Variants in BCAR1 observed in about 807,000 individuals in gnomAD.
BCAR1 encodes the protein breast cancer anti-estrogen resistance protein 1.
BCAR1 carries 30 observed loss-of-function variants against 67.6 expected under a neutral mutation model. The observed-to-expected ratio is 0.44, with a 90% CI of 0.33 to 0.60. BCAR1 has a LOEUF of 0.60. BCAR1 is among the 20% of genes least tolerant of loss of function. BCAR1 has a pLI of 0.02. For missense variants in BCAR1, 1,313 were observed against 1,222.3 expected, an observed-to-expected ratio of 1.07 and a Z score of -1.11; for synonymous variants, 626 against 556.7, an observed-to-expected ratio of 1.12 and a Z score of -1.75.
intron 1 of BCAR1, chr16:75,264,286 A>G (rs572558748): frequency 7.2e-7 from 1 of 1,397,316 alleles, no homozygotes; most frequent in South Asian, 1.6e-5. Context: ...ACCTCCCCAT[A>G]GAGGCCCGCC....
chr16:75,261,260 A>T (rs2077902924), intron 1 of BCAR1, among the ~76,000 whole-genome samples: 2 of 152,232 alleles, frequency 1.3e-5, no homozygotes, highest in African/African-American at 4.8e-5. Context: ...GGCTGCAGCA[A>T]AGCCAAGGCC....
chr16:75,259,180 C>T (rs957894921), intron 1 of BCAR1, among the ~76,000 whole-genome samples: 1 of 152,240 alleles, frequency 6.6e-6, no homozygotes, highest in Non-Finnish European at 1.5e-5. Flanking sequence ...GGAGTGTGGT[C>T]ATACCACTTT....
At chr16:75,244,044 C>A (rs2077440019) in intron 1 of BCAR1, among the ~76,000 whole-genome samples, 2 of 152,204 alleles carry the variant, frequency 1.3e-5, no homozygotes, top group Non-Finnish European at 2.9e-5. Flanking sequence ...CAGAGGGCTG[C>A]ATGGGTTCCA....
intron 1 of BCAR1, among the ~76,000 whole-genome samples, chr16:75,245,708 C>T (rs1200318956): frequency 6.6e-6 from 1 of 152,218 alleles, no homozygotes; most frequent in African/African-American, 2.4e-5. Context: ...TCCCCGCCTG[C>T]GTCAGCTGGT....
chr16:75,231,207 C>A (rs1162084028), intron 6 of BCAR1, among the ~76,000 whole-genome samples: 1 of 151,762 alleles, frequency 6.6e-6, no homozygotes, highest in Non-Finnish European at 1.5e-5. Flanking sequence ...AGCGATTCTC[C>A]TGCTTCAGCT....
intron 1 of BCAR1, among the ~76,000 whole-genome samples, chr16:75,245,145 C>T (rs562273729): frequency 3.3e-5 from 5 of 152,202 alleles, no homozygotes; most frequent in South Asian, 4.1e-4. Context: ...GCTCAGGGCC[C>T]CCATCCCAGG....
Position 75,235,423 on chromosome 16 carries a change from G to A in BCAR1, c.1476C>T (p.Ser492=), listed in dbSNP as rs145073440. The part of the protein sequence containing the change: ...GSAGATGSWR[S]PSEPQEPLVQ... Reference sequence around the variant, plus strand: ...CCAGCGGCTCCTGTGGCTCAGAGGGGCTACGCCAGCTCCCAGTCGCACCGG... The same window carrying A: ...CCAGCGGCTCCTGTGGCTCAGAGGGACTACGCCAGCTCCCAGTCGCACCGG... Residue 492 remains serine (S), a synonymous_variant, in exon 5 of 7, where the codon AGC becomes AGT. Coordinates refer to ENST00000162330, the MANE Select transcript of BCAR1 (RefSeq NM_014567.5). 2.5e-5 allele frequency: 41 copies of A among 1,608,190 alleles called. No individual in the cohort carries two copies. The African/African-American group carries it at 3.7e-4, about 15-fold the overall frequency.
At chr16:75,251,656 C>T (rs2077683942), upstream of BCAR1, 4 of 997,656 alleles carry the variant, frequency 4.0e-6, no homozygotes, top group Non-Finnish European at 4.8e-6. Flanking sequence ...ACGGCCCAGC[C>T]GGCCCAGCCC....
intron 1 of BCAR1, chr16:75,263,471 G>A (rs1158075745): frequency 3.0e-6 from 3 of 985,288 alleles, no homozygotes; most frequent in Non-Finnish European, 3.6e-6. Flanking sequence ...TGGAGCAGAG[G>A]AAGGGGCACT....
intron 1 of BCAR1, among the ~76,000 whole-genome samples, chr16:75,250,473 A>G (rs1323293759): frequency 6.6e-6 from 1 of 152,164 alleles, no homozygotes; most frequent in Non-Finnish European, 1.5e-5. Context: ...TCATTCTGAG[A>G]AGGTGACCAA....
At chr16:75,251,943 G>C (rs2151463962), upstream of BCAR1, 22 of 558,070 alleles carry the variant, frequency 3.9e-5, 1 homozygote, top group South Asian at 3.8e-4. Flanking sequence ...CCACTTCTGG[G>C]AAGGCTGCCC....
rs1567606170 is a variant in BCAR1, at chr16:75,242,465, C to A, written c.633+5G>T. The A allele has an allele frequency of 6.9e-7, 1 of 1,453,084 alleles. No homozygotes were observed. Among genetic ancestry groups the A allele is most frequent in the East Asian group, 2.5e-5 (1 of 39,528 alleles). 90.0% of individuals were successfully genotyped at this position (1,453,084 alleles called of 1,614,324 possible). A position where few individuals can be genotyped will look rare whatever the true frequency, so the allele number is the denominator to read the frequency against. ...GGCTGCACAACTGTGCCAGGACAGC[C>A]TTACCTTTGCCGGGGGCTTCGTGCC... On this transcript the variant is annotated splice_donor_5th_base_variant and intron_variant, in intron 2 of 6. Coordinates refer to ENST00000162330, the MANE Select transcript of BCAR1 (RefSeq NM_014567.5).
In BCAR1 at chr16:75,233,857, C is replaced by A; in HGVS notation, c.2089G>T (p.Glu697Ter). 1 of 1,606,698 alleles carries A rather than the reference C, an allele frequency of 6.2e-7. No homozygotes were observed. The highest frequency in any genetic ancestry group is 8.5e-7 in the Non-Finnish European group (1 of 1,176,792). ...CTCCGGGGCCTCACCTGCTGCAACT[C>A]CAGCTGGCTCTTGCCCTGCCGCGTG... ...SITRQGKSQL[E>*]LQQLKQFERL... Residue 697 changes from glutamate to a stop codon, truncating the protein, a stop_gained, in exon 6 of 7, where the codon GAG (glutamate) becomes TAG (stop). Coordinates refer to ENST00000162330, the MANE Select transcript of BCAR1 (RefSeq NM_014567.5). LOFTEE classifies it high-confidence loss of function.
intron 1 of BCAR1, chr16:75,264,607 A>C: frequency 7.8e-7 from 1 of 1,284,622 alleles, no homozygotes; most frequent in African/African-American, 1.5e-5. Flanking sequence ...TTCATCTGTA[A>C]ATACATTACC....
At chr16:75,236,495 A>C (rs2151417545) in intron 4 of BCAR1, 1 of 349,188 alleles carries the variant, frequency 2.9e-6, no homozygotes, top group Admixed American at 4.4e-5. Context: ...TGTGCGACTG[A>C]GCTCTGTGTG....
chr16:75,256,928 A>G (rs1341404923), intron 1 of BCAR1, among the ~76,000 whole-genome samples: 4 of 152,122 alleles, frequency 2.6e-5, no homozygotes, highest in Admixed American at 1.3e-4. Context: ...AGGAGGGGCC[A>G]TGTGCACTCT....
chr16:75,257,355 G>A (rs1373490115), intron 1 of BCAR1, among the ~76,000 whole-genome samples: 1 of 152,232 alleles, frequency 6.6e-6, no homozygotes, highest in East Asian at 1.9e-4. Context: ...GCAGGCCAGG[G>A]GCCAGTGGAA....
chr16:75,240,845 G>A (rs2151430286), intron 2 of BCAR1, among the ~76,000 whole-genome samples: 1 of 152,362 alleles, frequency 6.6e-6, no homozygotes, highest in Non-Finnish European at 1.5e-5. Flanking sequence ...GACCCAGCTG[G>A]CTGAGCCCCT....
chr16:75,254,849 C>T (rs909251375), upstream of BCAR1, among the ~76,000 whole-genome samples: 2 of 152,304 alleles, frequency 1.3e-5, no homozygotes, highest in African/African-American at 4.8e-5. Flanking sequence ...GGACCCAGCA[C>T]ACCAGGACAC....
Sources: gnomAD v4.1 joint callset for allele counts (sites outside exome capture counted in the v4.1 genomes callset) on GRCh38, gnomAD v4.1.1 for gene constraint, MANE v1.5 for transcripts, NCBI Gene and HGNC (gene_info 2026-07-23, HGNC 2026-07-21) for gene names.